The following BARD1 variants were observed in gnomAD, a reference collection of about 807,000 sequenced individuals.
The protein encoded by BARD1 is BRCA1 associated RING domain 1, also known as BRCA1-associated RING domain protein 1.
In BARD1, 73 loss-of-function variants were observed where a neutral mutation model predicts 77.0. The observed-to-expected ratio is 0.95, with a 90% CI of 0.79 to 1.15. BARD1 has a LOEUF of 1.15. BARD1 is among the 50% of genes most tolerant of loss of function. The probability of loss-of-function intolerance (pLI) is 0.00; values close to 1 mark genes in which losing one functional copy is unlikely to be tolerated. For missense variants in BARD1, 993 were observed against 938.8 expected, an observed-to-expected ratio of 1.06 and a Z score of -0.75; for synonymous variants, 384 against 338.0, an observed-to-expected ratio of 1.14 and a Z score of -1.49.
chr2:214,746,363 G>T (rs1216952135), intron 7 of BARD1, among the ~76,000 whole-genome samples: 5 of 152,080 alleles, frequency 3.3e-5, no homozygotes, highest in Non-Finnish European at 7.4e-5. Flanking sequence ...ACTAGGAAAA[G>T]ATAAAAACAG....
At chr2:214,804,784 T>G (rs1298527193) in intron 1 of BARD1, among the ~76,000 whole-genome samples, 1 of 152,176 alleles carries the variant, frequency 6.6e-6, no homozygotes, top group African/African-American at 2.4e-5. Context: ...CAGTCCCCCT[T>G]TACCCTACAA....
chr2:214,767,352 T>C, intron 6 of BARD1, 130 bp downstream of exon 6: 1 of 871,552 alleles, frequency 1.1e-6, no homozygotes, highest in Non-Finnish European at 1.8e-6. Context: ...AATGTGATGA[T>C]CACATCTAAT....
chr2:214,751,079 C>CTGTGTG (rs760986670), intron 7 of BARD1, among the ~76,000 whole-genome samples: 455 of 39,092 alleles, frequency 0.012, 5 homozygotes, highest in Non-Finnish European at 0.014. Context: ...CTGTGAAATT[C>CTGTGTG]TGTGTGTGTG....
At position 214,780,946 on chromosome 2, in the gene BARD1, A is replaced by C. The variant is rs886041139; in HGVS notation, c.928T>G (p.Ser310Ala). 10 of 1,613,658 alleles carry C rather than the reference A, an allele frequency of 6.2e-6. No homozygotes were observed. Among genetic ancestry groups the C allele is most frequent in the Non-Finnish European group, 8.5e-6 (10 of 1,179,870 alleles). The change falls in exon 4 of 11, where the codon TCT becomes GCT. Residue 310 changes from serine to alanine, a missense_variant. Ser to Ala is a moderately conservative substitution (Grantham distance 99). Coordinates refer to ENST00000260947, the MANE Select transcript of BARD1 (RefSeq NM_000465.4). ...TTTTCTAATGGCAAAGATTTCTTAG[A>C]TGTAAGATAATTTTTGCAGACCTTC... ...PEKVCKNYLT[S>A]KKSLPLENNG...
intron 1 of BARD1, among the ~76,000 whole-genome samples, chr2:214,807,051 T>C (rs1696309579): frequency 6.6e-6 from 1 of 152,180 alleles, no homozygotes; most frequent in Non-Finnish European, 1.5e-5. Context: ...GAATGGTTTT[T>C]ACATTTTTAA....
intron 3 of BARD1, among the ~76,000 whole-genome samples, chr2:214,789,948 A>C (rs895033209): frequency 6.6e-6 from 1 of 152,178 alleles, no homozygotes; most frequent in African/African-American, 2.4e-5. Context: ...CAGTAGAATT[A>C]TCTCTCCAAT....
intron 3 of BARD1, among the ~76,000 whole-genome samples, 182 bp from the exon 4 acceptor site, chr2:214,781,691 A>G (rs1424924235): frequency 1.3e-5 from 2 of 152,100 alleles, no homozygotes; most frequent in Non-Finnish European, 2.9e-5. Context: ...TACTTACTGA[A>G]TCCGACTTTG....
At chr2:214,743,521 G>A (rs946746156) in intron 9 of BARD1, among the ~76,000 whole-genome samples, 4 of 152,134 alleles carry the variant, frequency 2.6e-5, no homozygotes, top group East Asian at 1.9e-4. Flanking sequence ...ATCTAACACC[G>A]CTATAACATA....
chr2:214,745,000 C>A (rs1693029958), intron 9 of BARD1, 67 bp downstream of exon 9: 1 of 1,281,490 alleles, frequency 7.8e-7, no homozygotes, highest in Non-Finnish European at 1.1e-6. Flanking sequence ...TAATCACAGG[C>A]ATTAATAACC....
intron 6 of BARD1, among the ~76,000 whole-genome samples, chr2:214,757,734 A>G (rs952654386): frequency 6.6e-6 from 1 of 152,212 alleles, no homozygotes; most frequent in African/African-American, 2.4e-5. Flanking sequence ...TTGGCACTAT[A>G]GAAACAATGT....
At chr2:214,776,247 A>C (rs1694733389) in intron 4 of BARD1, among the ~76,000 whole-genome samples, 1 of 152,100 alleles carries the variant, frequency 6.6e-6, no homozygotes, top group South Asian at 2.1e-4. Flanking sequence ...GGGGAAGAAA[A>C]GGGGAAGGTC....
rs895639524 is a variant in BARD1 at position 214,761,571 on chromosome 2, T to C, written c.1568+5911A>G. Among the ~76,000 whole-genome samples the C allele has an allele frequency of 2.6e-5, 4 of 151,962 alleles. No individual in the cohort carries two copies. In the East Asian group the frequency reaches 7.7e-4, roughly 29 times the overall value. On this transcript the variant is annotated intron_variant, in intron 6 of 10. Transcript: ENST00000260947. ...AAGCATAAGCTTTGGGAGGCTGAGG[T>C]GGGAGGATCGCTTGAGCCCTGGAGT...
At position 214,745,941 on chromosome 2, in the gene BARD1, G is replaced by A; in HGVS notation, c.1678-87C>T. ...ACAGACTGTTACTTGATATAAGCTT[G>A]AATTTCATTACTTAGTTTACTCTAA... On this transcript the variant is annotated intron_variant, in intron 7 of 10. Transcript: ENST00000260947. 6 of 1,427,056 alleles carry A rather than the reference G, an allele frequency of 4.2e-6. No individual in the cohort carries two copies. In the South Asian group the frequency reaches 5.8e-5, roughly 14 times the overall value. 88.4% of individuals were successfully genotyped at this position (1,427,056 alleles called of 1,614,324 possible).
chr2:214,809,088 A>AG (rs1185355738), intron 1 of BARD1, among the ~76,000 whole-genome samples: 1 of 152,146 alleles, frequency 6.6e-6, no homozygotes, highest in Non-Finnish European at 1.5e-5. Context: ...GCCCCACCCC[A>AG]GCCCGATTCA....
Position 214,781,233 on chromosome 2 carries a change from A to G in BARD1, c.641T>C (p.Ile214Thr). Residue 214 changes from isoleucine to threonine, a missense_variant, in exon 4 of 11, where the codon ATC becomes ACC. Ile to Thr is a moderately conservative substitution (Grantham distance 89). Coordinates refer to ENST00000260947, the MANE Select transcript of BARD1 (RefSeq NM_000465.4). The stretch of plus-strand genomic sequence containing the variant: ...TGCCTCTAAATTCCATTTTTGGTTG[A>G]TTTCAGCTAAAGTTTTCTTTTTTTG... Reference protein sequence around the residue: ...KKQKKKTLAEINQKWNLEAEK... With the variant: ...KKQKKKTLAETNQKWNLEAEK... 1 of 1,594,588 alleles carries G rather than the reference A, an allele frequency of 6.3e-7. No homozygotes were observed. Among genetic ancestry groups the G allele is most frequent in the Non-Finnish European group, 8.5e-7 (1 of 1,175,356 alleles).
intron 3 of BARD1, among the ~76,000 whole-genome samples, chr2:214,787,026 G>A (rs17488049): frequency 0.16 from 24,733 of 151,782 alleles, 2,434 homozygotes; most frequent in South Asian, 0.23. Context: ...GGATTACAAA[G>A]TCATAAAGGT....
intron 9 of BARD1, 51 bp from the exon 10 acceptor site, chr2:214,730,559 ATC>A (rs1268867271): frequency 4.9e-6 from 7 of 1,417,638 alleles, no homozygotes; most frequent in Admixed American, 1.7e-5. Context: ...TGAGCACTAT[ATC>A]TCTCTCATTA....
intron 10 of BARD1, among the ~76,000 whole-genome samples, chr2:214,729,411 T>C (rs1225750187): frequency 6.6e-6 from 1 of 152,214 alleles, no homozygotes. Context: ...TGGAGCATTT[T>C]AGATGTTGGA....
intron 6 of BARD1, among the ~76,000 whole-genome samples, chr2:214,766,705 C>G (rs1482085380): frequency 6.6e-6 from 1 of 152,148 alleles, no homozygotes; most frequent in Non-Finnish European, 1.5e-5. Flanking sequence ...CTCCCGTATA[C>G]TTTAAATCAT....
Sources: gnomAD v4.1 joint callset for allele counts (sites outside exome capture counted in the v4.1 genomes callset) on GRCh38, gnomAD v4.1.1 for gene constraint, MANE v1.5 for transcripts, NCBI Gene and HGNC (gene_info 2026-07-23, HGNC 2026-07-21) for gene names.